Variants in MAOB observed in about 807,000 individuals in gnomAD.
MAOB encodes amine oxidase [flavin-containing] B.
In MAOB, 15 loss-of-function variants were observed where a neutral mutation model predicts 41.9. The ratio of observed to expected loss-of-function variants is 0.36; its 90% CI spans 0.24 to 0.55. The LOEUF (loss-of-function observed/expected upper bound fraction) is 0.55, where lower values mean the gene tolerates loss of function less well. MAOB is among the 20% of genes least tolerant of loss of function. The probability of loss-of-function intolerance (pLI) is 0.86; values close to 1 mark genes in which losing one functional copy is unlikely to be tolerated. For synonymous variants in MAOB, 167 were observed against 144.2 expected, an observed-to-expected ratio of 1.16 and a Z score of -1.13; for missense variants, 345 against 398.7, an observed-to-expected ratio of 0.87 and a Z score of 1.15.
At chrX:43,823,296 C>T (rs2034906010) in intron 3 of MAOB, among the ~76,000 whole-genome samples, 2 of 107,325 alleles carry the variant, frequency 1.9e-5, no homozygotes, top group Admixed American at 1.0e-4. Context: ...CCTCAGCCTC[C>T]CAAGTAATTG....
chrX:43,781,712 G>A (rs1019867610), intron 8 of MAOB, among the ~76,000 whole-genome samples, 168 bp from the exon 9 acceptor site: 1 of 112,081 alleles, frequency 8.9e-6, no homozygotes, highest in Non-Finnish European at 1.9e-5. Flanking sequence ...GGAGGGATAA[G>A]TAGCCAGCAT....
rs190704929 is a variant in MAOB, at chrX:43,767,301, G to A, written c.*165C>T. 25 of 483,981 alleles carry A rather than the reference G, an allele frequency of 5.2e-5. No homozygotes were observed. Among genetic ancestry groups the A allele is most frequent in the Admixed American group, 2.9e-4 (7 of 23,765 alleles). The allele number at this position is 483,981 out of a possible 1,213,427, so 39.9% of individuals were successfully genotyped here. A position where few individuals can be genotyped will look rare whatever the true frequency, so the allele number is the denominator to read the frequency against. Reference sequence around the variant, plus strand: ...AGGGACACTAAGCAGGGGCCACAACGGAGAAAGAGATACCATGTATTTTAC... The same window carrying A: ...AGGGACACTAAGCAGGGGCCACAACAGAGAAAGAGATACCATGTATTTTAC... On this transcript the variant is annotated 3_prime_UTR_variant, in exon 15 of 15. Coordinates refer to ENST00000378069, the MANE Select transcript of MAOB (RefSeq NM_000898.5).
chrX:43,780,795 T>C (rs1472053364), intron 9 of MAOB, among the ~76,000 whole-genome samples: 1 of 112,041 alleles, frequency 8.9e-6, no homozygotes, highest in Non-Finnish European at 1.9e-5. Flanking sequence ...GGTGTCTCCC[T>C]AGCACCCAAC....
At chrX:43,798,765 G>A (rs1473403810) in intron 5 of MAOB, among the ~76,000 whole-genome samples, 6 of 111,349 alleles carry the variant, frequency 5.4e-5, no homozygotes, top group Non-Finnish European at 9.4e-5. Context: ...ACAATGGTTG[G>A]GATAAATGAT....
intron 3 of MAOB, among the ~76,000 whole-genome samples, chrX:43,828,526 T>C (rs1378681247): frequency 9.2e-6 from 1 of 108,192 alleles, no homozygotes; most frequent in African/African-American, 3.4e-5. Context: ...GAAAAATCAG[T>C]GATGAGGCAT....
chrX:43,805,880 A>C (rs777706238), intron 3 of MAOB, among the ~76,000 whole-genome samples: 12 of 112,493 alleles, frequency 1.1e-4, no homozygotes, highest in African/African-American at 2.9e-4. Context: ...TTACATTACC[A>C]ACAGCAATGC....
intron 3 of MAOB, among the ~76,000 whole-genome samples, chrX:43,813,442 T>C (rs754252375): frequency 8.9e-6 from 1 of 112,294 alleles, no homozygotes; most frequent in Non-Finnish European, 1.9e-5. Flanking sequence ...AACAGCTTTA[T>C]TGCAGCATAA....
At chrX:43,857,267 A>T (rs1194281594) in intron 1 of MAOB, among the ~76,000 whole-genome samples, 1 of 97,530 alleles carries the variant, frequency 1.0e-5, no homozygotes, top group African/African-American at 3.9e-5. Context: ...CGCAACCTCT[A>T]CCTCCCGGGT....
intron 12 of MAOB, among the ~76,000 whole-genome samples, chrX:43,774,898 T>C (rs938426879): frequency 4.5e-5 from 5 of 111,469 alleles, no homozygotes; most frequent in Non-Finnish European, 7.5e-5. Flanking sequence ...TCATGAAGAA[T>C]GGGGTAAAAT....
At chrX:43,835,337 T>A (rs1454469384) in intron 3 of MAOB, among the ~76,000 whole-genome samples, 1 of 112,293 alleles carries the variant, frequency 8.9e-6, no homozygotes, top group Non-Finnish European at 1.9e-5. Context: ...TGCCTATTTG[T>A]AAAACGGATC....
At chrX:43,793,851 A>C (rs935669593) in intron 7 of MAOB, among the ~76,000 whole-genome samples, 2 of 110,624 alleles carry the variant, frequency 1.8e-5, no homozygotes, top group African/African-American at 3.3e-5. Context: ...CTCCTGTTAC[A>C]TTTGCCCTGA....
At chrX:43,829,252 A>G (rs938378017) in intron 3 of MAOB, among the ~76,000 whole-genome samples, 1 of 112,491 alleles carries the variant, frequency 8.9e-6, no homozygotes, top group African/African-American at 3.2e-5. Context: ...ATTGAACTAC[A>G]GGCTTATCTT....
chrX:43,798,290 T>C (rs1170011751), intron 5 of MAOB, among the ~76,000 whole-genome samples: 1 of 112,380 alleles, frequency 8.9e-6, no homozygotes, highest in Non-Finnish European at 1.9e-5. Context: ...AAGCACTCAA[T>C]AATTACTTGT....
At chrX:43,789,751 A>T (rs1340717517) in intron 8 of MAOB, among the ~76,000 whole-genome samples, 1 of 111,947 alleles carries the variant, frequency 8.9e-6, no homozygotes, top group Admixed American at 9.5e-5. Flanking sequence ...ATCAATCTAG[A>T]AGCAATCAGG....
chrX:43,781,611 G>A (rs1170566948), intron 8 of MAOB, 67 bp from the exon 9 acceptor site: 3 of 573,410 alleles, frequency 5.2e-6, no homozygotes, highest in Non-Finnish European at 8.1e-6. Context: ...CAGATATAAT[G>A]AAGTGCATGT....
rs539888650 is a variant in MAOB at position 43,767,259 on chromosome X, G to T, written c.*207C>A. On this transcript the variant is annotated 3_prime_UTR_variant, in exon 15 of 15. Transcript: ENST00000378069. ...AATAAACTTGGAAACTGGTGAAACA[G>T]AACGCTAAGCCAGGTAAGGGACACT... 2.7e-6 allele frequency: 1 copy of T among 364,986 alleles called. No homozygotes were observed. Among genetic ancestry groups the T allele is most frequent in the South Asian group, 8.7e-5 (1 of 11,493 alleles). The allele number at this position is 364,986 out of a possible 1,213,427, so 30.1% of individuals were successfully genotyped here. A position where few individuals can be genotyped will look rare whatever the true frequency, so the allele number is the denominator to read the frequency against.
chrX:43,857,149 AGAGAGAGAG>A, intron 1 of MAOB, among the ~76,000 whole-genome samples: 1 of 63,350 alleles, frequency 1.6e-5, no homozygotes, highest in Non-Finnish European at 2.8e-5. Flanking sequence ...AGAGAGAGAG[AGAGAGAGAG>A]AGAGAGAAGA....
intron 3 of MAOB, among the ~76,000 whole-genome samples, chrX:43,822,846 TCAC>T (rs367834199): frequency 2.7e-5 from 3 of 110,666 alleles, no homozygotes; most frequent in African/African-American, 9.9e-5. Flanking sequence ...ATCACCATCA[TCAC>T]CACCACCACC....
At chrX:43,867,151 A>T (rs1050010439) in intron 1 of MAOB, among the ~76,000 whole-genome samples, 28 of 111,798 alleles carry the variant, frequency 2.5e-4, no homozygotes, top group Admixed American at 1.1e-3. Flanking sequence ...ATTTGGTAGG[A>T]TCCCTGCAAT....
Sources: gnomAD v4.1 joint callset for allele counts (sites outside exome capture counted in the v4.1 genomes callset) on GRCh38, gnomAD v4.1.1 for gene constraint, MANE v1.5 for transcripts, NCBI Gene and HGNC (gene_info 2026-07-23, HGNC 2026-07-21) for gene names.